PYROXD2: variants seen among roughly 807,000 people sequenced by gnomAD.
The protein encoded by PYROXD2 is pyridine nucleotide-disulfide oxidoreductase domain-containing protein 2.
PYROXD2 carries 69 observed loss-of-function variants against 71.1 expected under a neutral mutation model. That is an observed-to-expected ratio of 0.97 (90% CI 0.80 to 1.19). PYROXD2 has a LOEUF of 1.19. PYROXD2 is among the 50% of genes most tolerant of loss of function. The probability of loss-of-function intolerance (pLI) is 0.00; values close to 1 mark genes in which losing one functional copy is unlikely to be tolerated. For synonymous variants in PYROXD2, 287 were observed against 302.7 expected (o/e 0.95, Z 0.54); for missense variants, 745 against 748.9 (o/e 0.99, Z 0.06).
chr10:98,402,980 G>A (rs1038253824), intron 4 of PYROXD2, among the ~76,000 whole-genome samples: 2 of 152,198 alleles, frequency 1.3e-5, no homozygotes, highest in South Asian at 2.1e-4. Flanking sequence ...AAATGAGATC[G>A]GAGAGTAGAC....
chr10:98,411,493 G>GT lies in PYROXD2; in HGVS notation c.128-536dup, dbSNP rs34431381. 9.6e-3 allele frequency: 1,382 copies of GT among 144,250 alleles called. 6 individuals are homozygous for GT. Among genetic ancestry groups the GT allele is most frequent in the African/African-American group, 0.018 (706 of 38,364 alleles). The allele number at this position is 144,250 out of a possible 1,614,324, so 8.9% of individuals were successfully genotyped here. ...GCCCTAGAAGGCTTTATTCACATGGGTTTTTTTTTTTTTTGCCAATCCCCA... is the reference window on the plus strand; with the variant it reads ...GCCCTAGAAGGCTTTATTCACATGGGTTTTTTTTTTTTTTTGCCAATCCCCA... On this transcript the variant is annotated intron_variant, in intron 1 of 15. Coordinates refer to ENST00000370575, the MANE Select transcript of PYROXD2 (RefSeq NM_032709.3).
intron 4 of PYROXD2, among the ~76,000 whole-genome samples, chr10:98,401,245 C>A (rs1293665489): frequency 8.7e-6 from 1 of 115,468 alleles, no homozygotes; most frequent in Non-Finnish European, 1.6e-5. Context: ...CAAAGCAAGA[C>A]TCTGTCTCAA....
intron 1 of PYROXD2, among the ~76,000 whole-genome samples, chr10:98,412,268 C>G (rs7909913): frequency 0.016 from 2,500 of 152,326 alleles, 75 homozygotes; most frequent in African/African-American, 0.057. Context: ...CACAAGACCC[C>G]CTCCCAGTGA....
chr10:98,394,853 G>A (rs577483384), intron 8 of PYROXD2, among the ~76,000 whole-genome samples: 8 of 152,148 alleles, frequency 5.3e-5, no homozygotes, highest in Non-Finnish European at 8.8e-5. Context: ...TTAATTTTGA[G>A]CTATCAAGCG....
chr10:98,384,298 T>C lies in PYROXD2; in HGVS notation c.1676-430A>G, dbSNP rs1201159411. Among the ~76,000 whole-genome samples the C allele has an allele frequency of 5.9e-5, 9 of 152,130 alleles. No homozygotes were observed. The South Asian group carries it at 1.9e-3, about 32-fold the overall frequency. On this transcript the variant is annotated intron_variant, in intron 15 of 15. Coordinates refer to ENST00000370575, the MANE Select transcript of PYROXD2 (RefSeq NM_032709.3). Reference sequence around the variant, plus strand: ...GGCTTGGAATGCGCACAAGAAAGAATTGTAAAGTTGAAGAAGTTAACTTTA... The same window carrying C: ...GGCTTGGAATGCGCACAAGAAAGAACTGTAAAGTTGAAGAAGTTAACTTTA...
intron 5 of PYROXD2, among the ~76,000 whole-genome samples, chr10:98,398,371 T>C (rs1250542792): frequency 6.6e-6 from 1 of 151,922 alleles, no homozygotes; most frequent in Non-Finnish European, 1.5e-5. Flanking sequence ...CACCCTCCTT[T>C]CCCTGGAGGG....
At chr10:98,406,447 G>A (rs1206172139) in intron 4 of PYROXD2, among the ~76,000 whole-genome samples, 1 of 152,090 alleles carries the variant, frequency 6.6e-6, no homozygotes, top group East Asian at 1.9e-4. Flanking sequence ...CCCCAGGCCT[G>A]GCTAGATTTC....
chr10:98,402,979 C>A (rs190864187), intron 4 of PYROXD2, among the ~76,000 whole-genome samples: 1 of 152,194 alleles, frequency 6.6e-6, no homozygotes, highest in Non-Finnish European at 1.5e-5. Flanking sequence ...GAAATGAGAT[C>A]GGAGAGTAGA....
chr10:98,411,199 C>G (rs1035102872), intron 1 of PYROXD2: 1 of 593,424 alleles, frequency 1.7e-6, no homozygotes, highest in East Asian at 3.0e-5. Context: ...TCCTGCTCCC[C>G]TGGCTTGGTC....
chr10:98,387,322 A>AACACTGGGGTGC lies in PYROXD2; in HGVS notation c.1448-16_1448-15insGCACCCCAGTGT, dbSNP rs1289358078. On this transcript the variant is annotated splice_polypyrimidine_tract_variant and intron_variant, in intron 13 of 15. Transcript: ENST00000370575. ...GCAATCAAACACTGGGGTGCCAAAA[A>AACACTGGGGTGC]CAGAGAAATGAGATGGTGTTAGGAA... 1 of 1,590,550 alleles carries AACACTGGGGTGC rather than the reference A, an allele frequency of 6.3e-7. No homozygotes were observed. The highest frequency in any genetic ancestry group is 1.3e-5 in the African/African-American group (1 of 74,254).
chr10:98,394,543 AACACACACACAC>A (rs58461142), intron 8 of PYROXD2, among the ~76,000 whole-genome samples: 4 of 141,910 alleles, frequency 2.8e-5, no homozygotes, highest in East Asian at 4.2e-4. Flanking sequence ...TCTCCATCCC[AACACACACACAC>A]ACACACACAC....
chr10:98,400,118 G>A lies in PYROXD2; in HGVS notation c.455C>T (p.Ser152Phe), dbSNP rs764455822. Residue 152 changes from serine (S) to phenylalanine (F), a missense_variant, in exon 5 of 16, where the codon TCC (serine) becomes TTC (phenylalanine). Ser to Phe is a radical substitution (Grantham distance 155, BLOSUM62 -2). Coordinates refer to ENST00000370575, the MANE Select transcript of PYROXD2 (RefSeq NM_032709.3). ...CTTCCCTACCTGGGCATCCTTCTGG[G>A]AGAACTGGGCGATCTGCTTCTGGTT... ...AENQKQIAQF[S>F]QKDAQVFPKY... 1.9e-5 allele frequency: 30 copies of A among 1,613,268 alleles called. No homozygotes were observed. The South Asian group carries it at 3.3e-4, about 18-fold the overall frequency.
intron 4 of PYROXD2, among the ~76,000 whole-genome samples, chr10:98,402,165 C>CT (rs1843434840): frequency 6.6e-6 from 1 of 152,188 alleles, no homozygotes; most frequent in Non-Finnish European, 1.5e-5. Flanking sequence ...TGTATATAGT[C>CT]TATCGTTGAC....
chr10:98,403,834 C>G (rs891368988), intron 4 of PYROXD2, among the ~76,000 whole-genome samples: 1 of 152,200 alleles, frequency 6.6e-6, no homozygotes, highest in Non-Finnish European at 1.5e-5. Context: ...CTTCCTAGTT[C>G]ACTGCCGTAC....
At chr10:98,397,606 T>G in intron 5 of PYROXD2, 108 bp from the exon 6 acceptor site, 2 of 1,360,522 alleles carry the variant, frequency 1.5e-6, no homozygotes, top group Non-Finnish European at 1.9e-6. Flanking sequence ...TCAGGCCTCA[T>G]TCCCCGCTGT....
intron 10 of PYROXD2, among the ~76,000 whole-genome samples, 178 bp from the exon 11 acceptor site, chr10:98,391,260 C>T (rs542161959): frequency 3.3e-5 from 5 of 152,286 alleles, no homozygotes; most frequent in African/African-American, 9.6e-5. Context: ...CCACTCAGCT[C>T]TAACCACTTC....
intron 9 of PYROXD2, 75 bp downstream of exon 9, chr10:98,392,867 A>G (rs2135947131): frequency 1.3e-6 from 2 of 1,509,234 alleles, no homozygotes; most frequent in East Asian, 2.3e-5. Flanking sequence ...AAAACAAGGG[A>G]CCTTCCAAAT....
rs551177449 is a variant in PYROXD2 at position 98,406,706 on chromosome 10, A to C, written c.315+876T>G. ...CAGGAGATCAAGACCATCCCGGCTAACACGGTGAAAGCCCTTCTCTACTAA... is the reference window on the plus strand; with the variant it reads ...CAGGAGATCAAGACCATCCCGGCTACCACGGTGAAAGCCCTTCTCTACTAA... On this transcript the variant is annotated intron_variant, in intron 4 of 15. Coordinates refer to ENST00000370575, the MANE Select transcript of PYROXD2 (RefSeq NM_032709.3). Among the ~76,000 whole-genome samples, 3 of 152,188 alleles carry C rather than the reference A, an allele frequency of 2.0e-5. No homozygotes were observed. The East Asian group carries it at 5.8e-4, about 30-fold the overall frequency.
In PYROXD2 at chr10:98,390,826, C is replaced by T. The variant is rs1176925889; in HGVS notation, c.1136-72G>A. The T allele has an allele frequency of 3.9e-6, 6 of 1,525,516 alleles. No homozygotes were observed. In the South Asian group the frequency reaches 5.0e-5, roughly 13 times the overall value. The allele number at this position is 1,525,516 out of a possible 1,614,324, so 94.5% of individuals were successfully genotyped here. A position where few individuals can be genotyped will look rare whatever the true frequency, so the allele number is the denominator to read the frequency against. ...CCCTCTACAGCCAGCACCCTGCTAC[C>T]CTCAGTGGCGGACGGGAGTAGGAAA... On this transcript the variant is annotated intron_variant, in intron 11 of 15. Transcript: ENST00000370575.
Sources: allele counts gnomAD v4.1 joint callset (sites outside exome capture counted in the v4.1 genomes callset), GRCh38; gene constraint gnomAD v4.1.1; transcripts MANE v1.5; gene names NCBI Gene and HGNC (gene_info 2026-07-23, HGNC 2026-07-21).